The following DDX31 variants were observed in gnomAD, a reference collection of about 807,000 sequenced individuals.
DDX31 encodes DEAD-box helicase 31.
A neutral mutation model predicts 91.3 loss-of-function variants in DDX31; 70 were observed. That is an observed-to-expected ratio of 0.77 (90% confidence interval 0.63 to 0.94). DDX31 has a LOEUF of 0.94. Ranked by LOEUF, DDX31 falls within the 40% of genes least tolerant of loss-of-function variation. The pLI, the probability that DDX31 is intolerant of heterozygous loss-of-function variation, is 0.00. For missense variants in DDX31, 902 were observed against 925.0 expected (o/e 0.98, Z 0.32); for synonymous variants, 362 against 350.6 (o/e 1.03, Z -0.36).
intron 19 of DDX31, among the ~76,000 whole-genome samples, chr9:132,599,959 T>C (rs1830643492): frequency 6.6e-6 from 1 of 152,212 alleles, no homozygotes; most frequent in Non-Finnish European, 1.5e-5. Flanking sequence ...TGTGCCTGAC[T>C]CTATGGAGGA....
At chr9:132,659,488 C>T (rs544745638) in intron 5 of DDX31, among the ~76,000 whole-genome samples, 31 of 152,140 alleles carry the variant, frequency 2.0e-4, no homozygotes, top group Admixed American at 3.9e-4. Flanking sequence ...AAATTATAGC[C>T]GAACCTGACT....
chr9:132,618,429 C>G lies in DDX31; in HGVS notation c.1726G>C (p.Val576Leu), dbSNP rs778400610. The G allele has an allele frequency of 6.2e-7, 1 of 1,610,574 alleles. No individual in the cohort carries two copies. The highest frequency in any genetic ancestry group is 1.1e-5 in the South Asian group (1 of 90,082). The change falls in exon 18 of 20, where the codon GTT becomes CTT. Residue 576 changes from valine to leucine, a missense_variant. Coordinates refer to ENST00000372159, the MANE Select transcript of DDX31 (RefSeq NM_022779.9). ...KRWGAQKSHA[V>L]GPQEIRERAT... ...CGCTCTCGGATTTCCTGGGGGCCAACAGCATGGGATTTCTGAGAGGGCGAC... is the reference window on the plus strand; with the variant it reads ...CGCTCTCGGATTTCCTGGGGGCCAAGAGCATGGGATTTCTGAGAGGGCGAC...
In DDX31 at chr9:132,658,740, C is replaced by CA. The variant is rs752207714; in HGVS notation, c.524-6dup. The CA allele has an allele frequency of 1.6e-4, 247 of 1,578,974 alleles. No homozygotes were observed. The highest frequency in any genetic ancestry group is 2.6e-4 in the Admixed American group (15 of 57,196). ...TGCAATAGGCAAGAGTTTTACCTTT[C>CA]AAAAAAAAAGCAGAAGCAATTAAAA... On this transcript the variant is annotated splice_polypyrimidine_tract_variant and splice_region_variant and intron_variant, in intron 5 of 19. Transcript: ENST00000372159.
At chr9:132,606,934 C>T (rs1040130187) in intron 19 of DDX31, among the ~76,000 whole-genome samples, 7 of 152,298 alleles carry the variant, frequency 4.6e-5, no homozygotes, top group African/African-American at 1.7e-4. Context: ...GAGAACAACA[C>T]AGCACAGGCC....
chr9:132,652,997 C>T (rs112463298), intron 6 of DDX31, among the ~76,000 whole-genome samples: 187 of 152,046 alleles, frequency 1.2e-3, no homozygotes, highest in African/African-American at 4.4e-3. Context: ...CCCACTAACC[C>T]CATTATTCTA....
At chr9:132,596,027 A>T (rs1162080563) in intron 19 of DDX31, among the ~76,000 whole-genome samples, 2 of 152,242 alleles carry the variant, frequency 1.3e-5, no homozygotes. Context: ...AACAATTACC[A>T]ATAAATCCAC....
At chr9:132,631,950 ATAATAATAATTATTC>A in intron 15 of DDX31, 76 bp downstream of exon 15, 2 of 1,175,276 alleles carry the variant, frequency 1.7e-6, no homozygotes, top group South Asian at 2.9e-5. Flanking sequence ...ACCCAAGAGG[ATAATAATAATTATTC>A]TACTTAAAGC....
chr9:132,609,010 G>A (rs1831178486), intron 19 of DDX31, among the ~76,000 whole-genome samples: 3 of 152,170 alleles, frequency 2.0e-5, no homozygotes, highest in Admixed American at 2.0e-4. Context: ...ATAAAAAAAG[G>A]TAACTACTGT....
intron 6 of DDX31, among the ~76,000 whole-genome samples, chr9:132,657,436 T>C (rs1834637388): frequency 8.4e-6 from 1 of 118,832 alleles, no homozygotes. Context: ...AAATGGTGAC[T>C]TTCTATTTCT....
intron 16 of DDX31, among the ~76,000 whole-genome samples, chr9:132,627,800 G>A (rs563595558): frequency 2.1e-4 from 32 of 152,306 alleles, no homozygotes; most frequent in African/African-American, 7.5e-4. Flanking sequence ...CATTTGTCGT[G>A]CTGGCCCTTG....
At chr9:132,623,539 G>A (rs1200235058) in intron 17 of DDX31, among the ~76,000 whole-genome samples, 12 of 117,978 alleles carry the variant, frequency 1.0e-4, no homozygotes, top group African/African-American at 4.1e-4. Context: ...GCGATAGAGC[G>A]AGACTCCATC....
At chr9:132,637,776 G>C in intron 14 of DDX31, 1 of 977,466 alleles carries the variant, frequency 1.0e-6, no homozygotes, top group African/African-American at 1.7e-5. Flanking sequence ...TGAGTAAACA[G>C]CAAACAATCT....
At chr9:132,645,160 T>C (rs1460885695) in intron 13 of DDX31, among the ~76,000 whole-genome samples, 1 of 152,170 alleles carries the variant, frequency 6.6e-6, no homozygotes, top group Non-Finnish European at 1.5e-5. Flanking sequence ...TGGCTCCTAT[T>C]TCGAGTCTTG....
chr9:132,597,180 C>T (rs1253029410), intron 19 of DDX31, among the ~76,000 whole-genome samples: 1 of 152,188 alleles, frequency 6.6e-6, no homozygotes, highest in Non-Finnish European at 1.5e-5. Flanking sequence ...TGAGAGCATC[C>T]ACCACTTCCC....
intron 6 of DDX31, among the ~76,000 whole-genome samples, chr9:132,654,774 C>A (rs1394539976): frequency 6.6e-6 from 1 of 151,792 alleles, no homozygotes; most frequent in Non-Finnish European, 1.5e-5. Flanking sequence ...GGTGAAACCC[C>A]ATCTCTACTA....
At chr9:132,665,848 G>A (rs1014218718) in intron 1 of DDX31, among the ~76,000 whole-genome samples, 1 of 152,182 alleles carries the variant, frequency 6.6e-6, no homozygotes, top group Non-Finnish European at 1.5e-5. Flanking sequence ...ATTTTAAGAT[G>A]CAAACATGGA....
At position 132,647,060 on chromosome 9, in the gene DDX31, T is replaced by C; in HGVS notation, c.968-2A>G. 6.3e-7 allele frequency: 1 copy of C among 1,598,538 alleles called. No homozygotes were observed. The highest frequency in any genetic ancestry group is 8.5e-7 in the Non-Finnish European group (1 of 1,171,982). ...TGATATCAGCTAGCCGCGTTACACC[T>C]TGGATAAAAGTAAGAAGGGCAAAGC... is the stretch of plus-strand genomic sequence containing the variant. On this transcript the variant is annotated splice_acceptor_variant, in intron 11 of 19. Transcript: ENST00000372159. LOFTEE classifies it high-confidence loss of function.
At chr9:132,646,463 C>A (rs918449349) in intron 12 of DDX31, among the ~76,000 whole-genome samples, 1 of 152,094 alleles carries the variant, frequency 6.6e-6, no homozygotes, top group African/African-American at 2.4e-5. Flanking sequence ...TCAGAGTCAG[C>A]GCAGAAATCT....
At chr9:132,646,726 T>C in intron 12 of DDX31, 97 bp downstream of exon 12, 1 of 1,181,794 alleles carries the variant, frequency 8.5e-7, no homozygotes, top group Admixed American at 1.9e-5. Context: ...GGAAAACCTC[T>C]GATTTTTGGT....
Sources: allele counts gnomAD v4.1 joint callset (sites outside exome capture counted in the v4.1 genomes callset), GRCh38; gene constraint gnomAD v4.1.1; transcripts MANE v1.5; gene names NCBI Gene and HGNC (gene_info 2026-07-23, HGNC 2026-07-21).